Variants in SGPP2 observed in about 807,000 individuals in gnomAD.
SGPP2 encodes sphingosine-1-phosphate phosphatase 2.
In SGPP2, 30 loss-of-function variants were observed where a neutral mutation model predicts 33.9. The observed-to-expected ratio is 0.89, with a 90% CI of 0.66 to 1.20. The LOEUF is 1.20. Ranked by LOEUF, SGPP2 falls within the 50% of genes most tolerant of loss-of-function variation. The pLI is 0.00. For missense variants in SGPP2, 458 were observed against 532.1 expected (o/e 0.86, Z 1.37); for synonymous variants, 233 against 225.0 (o/e 1.04, Z -0.32).
intron 2 of SGPP2, among the ~76,000 whole-genome samples, chr2:222,488,740 G>A (rs917946436): frequency 2.0e-5 from 3 of 152,144 alleles, no homozygotes; most frequent in African/African-American, 7.2e-5. Flanking sequence ...CTCAGCTTAG[G>A]GGGATGTGTG....
chr2:222,559,161 GCCCC>G lies in SGPP2; in HGVS notation c.*274_*277del. On this transcript the variant is annotated 3_prime_UTR_variant, in exon 5 of 5. Transcript: ENST00000321276. ...CCGGATCTTTAAAGGCACACACCGC[GCCCC>G]CCCCCCCCCCGCCCGGCCCCTGCTC... 1.1e-4 allele frequency: 3 copies of G among 28,502 alleles called. No homozygotes were observed. Among genetic ancestry groups the G allele is most frequent in the Middle Eastern group, 0.036 (1 of 28 alleles). The allele number at this position is 28,502 out of a possible 1,614,324, so 1.8% of individuals were successfully genotyped here.
intron 1 of SGPP2, among the ~76,000 whole-genome samples, chr2:222,442,086 A>G (rs1231551473): frequency 1.3e-5 from 2 of 152,202 alleles, no homozygotes; most frequent in Non-Finnish European, 2.9e-5. Flanking sequence ...TAATGCACTG[A>G]AAGATTTCAG....
At chr2:222,538,343 G>A (rs985834107) in intron 4 of SGPP2, among the ~76,000 whole-genome samples, 1 of 152,086 alleles carries the variant, frequency 6.6e-6, no homozygotes, top group Non-Finnish European at 1.5e-5. Context: ...ATGAGAGAAA[G>A]GGAGAGGAAG....
In SGPP2 at chr2:222,476,433, G is replaced by A. The variant is rs1408745664; in HGVS notation, c.378+1707G>A. Among the ~76,000 whole-genome samples the A allele has an allele frequency of 6.6e-6, 1 of 152,116 alleles. No homozygotes were observed. The highest frequency in any genetic ancestry group is 1.5e-5 in the Non-Finnish European group (1 of 68,008). ...CCCTGTCTCCCAATAGCCCTCTTTT[G>A]AAATCTAGCTTCTGTCTAAAAGTAT... On this transcript the variant is annotated intron_variant, in intron 2 of 4. Transcript: ENST00000321276. The surrounding 1 kb of genome is among the most constrained non-coding windows in gnomAD (Gnocchi z 4.3).
At chr2:222,447,954 A>C (rs1697421409) in intron 1 of SGPP2, among the ~76,000 whole-genome samples, 1 of 152,218 alleles carries the variant, frequency 6.6e-6, no homozygotes, top group Admixed American at 6.5e-5. Flanking sequence ...TAGAGAGAGC[A>C]AGAGAGGTGT....
In SGPP2 at chr2:222,502,833, A is replaced by T. The variant is rs537534091; in HGVS notation, c.379-18934A>T. Among the ~76,000 whole-genome samples the T allele has an allele frequency of 2.6e-5, 4 of 152,344 alleles. No individual in the cohort carries two copies. In the East Asian group the frequency reaches 7.7e-4, roughly 29 times the overall value. On this transcript the variant is annotated intron_variant, in intron 2 of 4. Coordinates refer to ENST00000321276, the MANE Select transcript of SGPP2 (RefSeq NM_152386.4). The stretch of plus-strand genomic sequence containing the variant: ...TGGATGCTAACATCAGGAATGGTTT[A>T]TATTGGAAATGGCACCATTCCTGAG...
intron 2 of SGPP2, among the ~76,000 whole-genome samples, chr2:222,488,581 T>C (rs1260939884): frequency 1.3e-5 from 2 of 152,200 alleles, no homozygotes; most frequent in African/African-American, 4.8e-5. Flanking sequence ...CTGCTTGAGA[T>C]ACTGGTTGAA....
intron 4 of SGPP2, among the ~76,000 whole-genome samples, chr2:222,530,729 T>C (rs771461499): frequency 6.6e-6 from 1 of 152,242 alleles, no homozygotes; most frequent in Non-Finnish European, 1.5e-5. Context: ...CATGTATTCA[T>C]TGGAGTAGCA....
intron 1 of SGPP2, among the ~76,000 whole-genome samples, chr2:222,457,492 A>G (rs1184955558): frequency 6.6e-6 from 1 of 152,238 alleles, no homozygotes; most frequent in African/African-American, 2.4e-5. Context: ...TTTAAGGTAA[A>G]CACAAATGTA....
intron 4 of SGPP2, among the ~76,000 whole-genome samples, chr2:222,545,205 T>C (rs1158905656): frequency 6.6e-6 from 1 of 152,216 alleles, no homozygotes; most frequent in Admixed American, 6.5e-5. Context: ...GTGTCTTTTT[T>C]TCTTTTTTAA....
intron 1 of SGPP2, chr2:222,452,972 A>G (rs1697514950): frequency 3.8e-6 from 6 of 1,585,698 alleles, no homozygotes; most frequent in Admixed American, 1.7e-5. Flanking sequence ...GAAATCTATC[A>G]TTGAGTACAC....
intron 4 of SGPP2, among the ~76,000 whole-genome samples, chr2:222,530,366 G>A (rs1444659248): frequency 6.6e-6 from 1 of 152,192 alleles, no homozygotes; most frequent in African/African-American, 2.4e-5. Context: ...TCCAATGTAA[G>A]GCTGTTTTAT....
intron 1 of SGPP2, among the ~76,000 whole-genome samples, chr2:222,469,954 G>A: frequency 6.6e-6 from 1 of 152,204 alleles, no homozygotes; most frequent in South Asian, 2.1e-4. Context: ...ATGAGTTCAT[G>A]TCCTTTGCAG....
At chr2:222,468,317 A>G (rs1697782544) in intron 1 of SGPP2, among the ~76,000 whole-genome samples, 1 of 151,964 alleles carries the variant, frequency 6.6e-6, no homozygotes, top group African/African-American at 2.4e-5. Context: ...GAGTACTTTC[A>G]ATCTTATATC....
intron 2 of SGPP2, among the ~76,000 whole-genome samples, chr2:222,488,525 T>C (rs1380480244): frequency 1.3e-5 from 2 of 152,122 alleles, no homozygotes; most frequent in Admixed American, 1.3e-4. Context: ...TGCAGAAAAA[T>C]TGTCTTCCAT....
chr2:222,489,703 C>T (rs1698168356), intron 2 of SGPP2, among the ~76,000 whole-genome samples: 1 of 152,066 alleles, frequency 6.6e-6, no homozygotes, highest in Admixed American at 6.6e-5. Flanking sequence ...CGGTGACTTA[C>T]ACCTGTAATC....
intron 2 of SGPP2, among the ~76,000 whole-genome samples, chr2:222,493,512 T>C (rs13014986): frequency 0.69 from 104,516 of 151,968 alleles, 36,538 homozygotes; most frequent in East Asian, 0.99. Flanking sequence ...GACAAAGGAG[T>C]CAAACCATAT....
intron 1 of SGPP2, among the ~76,000 whole-genome samples, chr2:222,426,455 A>G (rs1697073390): frequency 6.6e-6 from 1 of 152,204 alleles, no homozygotes; most frequent in South Asian, 2.1e-4. Flanking sequence ...CACCCCTGGT[A>G]ACTTAACTTT....
intron 2 of SGPP2, among the ~76,000 whole-genome samples, chr2:222,482,170 T>C (rs1162001690): frequency 6.6e-6 from 1 of 152,154 alleles, no homozygotes; most frequent in Non-Finnish European, 1.5e-5. Context: ...GCTGATGTAA[T>C]ATAGGTAGTG....
Sources: gnomAD v4.1 joint callset for allele counts (sites outside exome capture counted in the v4.1 genomes callset) on GRCh38, gnomAD v4.1.1 for gene constraint, Gnocchi (gnomAD v3.1) non-coding constraint, MANE v1.5 for transcripts, NCBI Gene and HGNC (gene_info 2026-07-23, HGNC 2026-07-21) for gene names.